Variants in MGST1 observed in about 807,000 individuals in gnomAD.
MGST1 encodes the protein glutathione S-transferase 12.
Under a neutral mutation model 8.9 loss-of-function variants are expected in MGST1, and 5 were observed. That is an observed-to-expected ratio of 0.56 (90% confidence interval 0.29 to 1.19). MGST1 has a LOEUF of 1.19. Ranked by LOEUF, MGST1 falls within the 50% of genes most tolerant of loss-of-function variation. MGST1 has a pLI of 0.08. For synonymous variants in MGST1, 54 were observed against 67.8 expected (o/e 0.80, Z 1.00); for missense variants, 182 against 187.4 (o/e 0.97, Z 0.17).
chr12:16,551,351 A>AT, intron 4 of MGST1: 1 of 1,387,116 alleles, frequency 7.2e-7, no homozygotes, highest in African/African-American at 1.4e-5. Flanking sequence ...AAACAATAAA[A>AT]TGTGGTTAAG....
At chr12:16,538,940 A>G (rs1357962364) in intron 4 of MGST1, among the ~76,000 whole-genome samples, 1 of 152,110 alleles carries the variant, frequency 6.6e-6, no homozygotes, top group Non-Finnish European at 1.5e-5. Flanking sequence ...GTGGCAAGAG[A>G]AAACGAGGAT....
Position 16,513,493 on chromosome 12 carries a change from C to T in MGST1, n.483-76035C>T. ...TGCCAGAGCCAGCTCCTGGTGGACC[C>T]ATGTGGAGATGGGACCACCAGATCC... On this transcript the variant is annotated intron_variant and non_coding_transcript_variant, in intron 4 of 4. Coordinates refer to the MGST1 transcript ENST00000538857. This position sits in a 1 kb window ranked among gnomAD's most constrained non-coding sequence, Gnocchi z 4.2. 4.3e-6 allele frequency: 2 copies of T among 464,632 alleles called. No homozygotes were observed. Among genetic ancestry groups the T allele is most frequent in the Non-Finnish European group, 8.8e-6 (2 of 228,436 alleles). 28.8% of individuals were successfully genotyped at this position (464,632 alleles called of 1,614,324 possible).
Position 16,587,661 on chromosome 12 carries a change from A to C in MGST1, n.483-1867A>C, listed in dbSNP as rs137995772. On this transcript the variant is annotated intron_variant and non_coding_transcript_variant, in intron 4 of 4. Coordinates refer to the MGST1 transcript ENST00000538857. This position sits in a 1 kb window ranked among gnomAD's most constrained non-coding sequence, Gnocchi z 4.3. ...CTATAATAGCAAGCACTGGTCTGTCAGGAGTGCATTTTAACAGCACGACAC... is the reference window on the plus strand; with the variant it reads ...CTATAATAGCAAGCACTGGTCTGTCCGGAGTGCATTTTAACAGCACGACAC... Among the ~76,000 whole-genome samples, 572 of 152,074 alleles carry C rather than the reference A, an allele frequency of 3.8e-3. 4 individuals are homozygous for C. Among genetic ancestry groups the C allele is most frequent in the African/African-American group, 0.013 (545 of 41,530 alleles).
chr12:16,588,888 T>C (rs1943405140), intron 4 of MGST1, among the ~76,000 whole-genome samples: 1 of 152,096 alleles, frequency 6.6e-6, no homozygotes, highest in Admixed American at 6.6e-5. Flanking sequence ...TCTCCCTTCA[T>C]AACAACAGAA....
At chr12:16,538,877 G>A (rs1312279901) in intron 4 of MGST1, among the ~76,000 whole-genome samples, 1 of 152,014 alleles carries the variant, frequency 6.6e-6, no homozygotes, top group Non-Finnish European at 1.5e-5. Context: ...CAAAGTGCTG[G>A]GATTACAGGC....
exon 1 of MGST1, chr12:16,383,436 GTCTTTT>G (rs1182032313): frequency 6.6e-6 from 1 of 152,086 alleles, no homozygotes; most frequent in East Asian, 1.9e-4. Context: ...TTTTTTCCAA[GTCTTTT>G]TCTTTTTCTT....
At chr12:16,433,829 G>T (rs1940960447) in intron 1 of MGST1, among the ~76,000 whole-genome samples, 1 of 152,066 alleles carries the variant, frequency 6.6e-6, no homozygotes. Flanking sequence ...TTTAATGCCA[G>T]TTGATTATAT....
intron 4 of MGST1, among the ~76,000 whole-genome samples, chr12:16,556,348 G>A (rs1046360751): frequency 5.9e-5 from 9 of 152,072 alleles, no homozygotes; most frequent in African/African-American, 2.2e-4. Context: ...TTAAAATAGA[G>A]AAACTAGCCG....
intron 4 of MGST1, among the ~76,000 whole-genome samples, chr12:16,490,600 A>G (rs1941432396): frequency 6.6e-6 from 1 of 152,174 alleles, no homozygotes; most frequent in Admixed American, 6.5e-5. Flanking sequence ...GCCAAGTACT[A>G]TACCCTTGGC....
chr12:16,588,531 A>G (rs1943394436), intron 4 of MGST1, among the ~76,000 whole-genome samples: 1 of 152,096 alleles, frequency 6.6e-6, no homozygotes, highest in Non-Finnish European at 1.5e-5. Flanking sequence ...TATATAAGGT[A>G]TTTTAGAAAA....
chr12:16,569,851 G>A (rs571553275), intron 4 of MGST1, among the ~76,000 whole-genome samples: 2 of 152,232 alleles, frequency 1.3e-5, no homozygotes, highest in East Asian at 3.9e-4. Flanking sequence ...TAACACATAT[G>A]TACTAAAACA....
At chr12:16,383,572 C>T (rs533670636) in exon 1 of MGST1, 6 of 152,370 alleles carry the variant, frequency 3.9e-5, no homozygotes, top group Admixed American at 1.3e-4. Flanking sequence ...AGTGATTCTC[C>T]TGCCTCAGCC....
chr12:16,426,466 C>T (rs886592318), intron 1 of MGST1, among the ~76,000 whole-genome samples: 1 of 152,112 alleles, frequency 6.6e-6, no homozygotes, highest in Non-Finnish European at 1.5e-5. Flanking sequence ...CCCTTTAAAC[C>T]AAATAAGTTT....
In MGST1 at chr12:16,544,544, C is replaced by G. The variant is rs895029910; in HGVS notation, n.483-44984C>G. On this transcript the variant is annotated intron_variant and non_coding_transcript_variant, in intron 4 of 4. Transcript: ENST00000538857. The surrounding 1 kb of genome is among the most constrained non-coding windows in gnomAD (Gnocchi z 4.8). ...CAAACCATGCCAAGAACACAAAGTG[C>G]TAATCAATACAATTGGGAATGCATT... Among the ~76,000 whole-genome samples the G allele has an allele frequency of 2.6e-5, 4 of 151,982 alleles. No individual in the cohort carries two copies. The highest frequency in any genetic ancestry group is 9.7e-5 in the African/African-American group (4 of 41,394).
intron 4 of MGST1, among the ~76,000 whole-genome samples, chr12:16,471,757 T>A (rs1288928362): frequency 6.6e-6 from 1 of 152,192 alleles, no homozygotes; most frequent in Admixed American, 6.5e-5. Flanking sequence ...ATTAATAGGT[T>A]GGCCAGAATG....
At chr12:16,426,969 CAAAAA>C (rs572147225) in intron 1 of MGST1, among the ~76,000 whole-genome samples, 3 of 84,310 alleles carry the variant, frequency 3.6e-5, no homozygotes, top group Admixed American at 1.2e-4. Flanking sequence ...GACTCTGTCT[CAAAAA>C]AAAAAAAAAA....
downstream of MGST1, among the ~76,000 whole-genome samples, chr12:16,378,402 G>T (rs1053105946): frequency 2.0e-5 from 3 of 152,020 alleles, no homozygotes; most frequent in African/African-American, 7.2e-5. Flanking sequence ...ATTAAATAGG[G>T]AATCCTTTCC....
chr12:16,401,217 G>C lies in MGST1; in HGVS notation n.778+17613G>C, dbSNP rs1940652934. ...CATCCATAAGCACTGTGTCACTAAG[G>C]AACAGGGCATAGGTTTTCTCTTCTG... is the stretch of plus-strand genomic sequence containing the variant. On this transcript the variant is annotated intron_variant and non_coding_transcript_variant, in intron 1 of 1. Transcript: ENST00000359720. This position sits in a 1 kb window ranked among gnomAD's most constrained non-coding sequence, Gnocchi z 4.3. The C allele has an allele frequency of 1.9e-6, 3 of 1,566,756 alleles. No individual in the cohort carries two copies. The highest frequency in any genetic ancestry group is 1.1e-5 in the South Asian group (1 of 90,108).
In MGST1 at chr12:16,482,776, C is replaced by T. The variant is rs115366267; in HGVS notation, n.482+99172C>T. ...TACGCAAAGGATTAGACTATCATGT[C>T]GGATACACCGAAATCAGAGACCTTA... On this transcript the variant is annotated intron_variant and non_coding_transcript_variant, in intron 4 of 4. Transcript: ENST00000538857. The surrounding 1 kb of genome is among the most constrained non-coding windows in gnomAD (Gnocchi z 4.2). 1.2e-3 allele frequency among the ~76,000 whole-genome samples: 190 copies of T among 152,254 alleles called. No homozygotes were observed. Among genetic ancestry groups the T allele is most frequent in the African/African-American group, 4.2e-3 (175 of 41,538 alleles).
Sources: allele counts gnomAD v4.1 joint callset (sites outside exome capture counted in the v4.1 genomes callset), GRCh38; gene constraint gnomAD v4.1.1; non-coding constraint Gnocchi (gnomAD v3.1); transcripts MANE v1.5; gene names NCBI Gene and HGNC (gene_info 2026-07-23, HGNC 2026-07-21).